Variants in PRKAR1A observed in about 807,000 individuals in gnomAD.
PRKAR1A encodes protein kinase cAMP-dependent type I regulatory subunit alpha, also known as cAMP-dependent protein kinase type I-alpha regulatory subunit.
A neutral mutation model predicts 52.0 loss-of-function variants in PRKAR1A; 3 were observed. The ratio of observed to expected loss-of-function variants is 0.06; its 90% CI spans 0.03 to 0.15. The LOEUF (loss-of-function observed/expected upper bound fraction) is 0.15, where lower values mean the gene tolerates loss of function less well. Ranked by LOEUF, PRKAR1A falls within the 10% of genes least tolerant of loss-of-function variation. PRKAR1A has a pLI of 1.00. For synonymous variants in PRKAR1A, 188 were observed against 168.4 expected (o/e 1.12, Z -0.90); for missense variants, 240 against 477.4 (o/e 0.50, Z 4.63).
At chr17:68,472,736 A>G in the PRKAR1A span, among the ~76,000 whole-genome samples, 2 of 151,934 alleles carry the variant, frequency 1.3e-5, no homozygotes, top group African/African-American at 4.8e-5. Context: ...CCTTGAGGCC[A>G]GGAGTTTGAG....
the PRKAR1A span, among the ~76,000 whole-genome samples, chr17:68,474,666 C>T: frequency 1.3e-5 from 2 of 152,078 alleles, no homozygotes; most frequent in Non-Finnish European, 2.9e-5. Context: ...GAGGCCGAGG[C>T]GGGCGGATAA....
chr17:68,498,407 A>G, the PRKAR1A span, among the ~76,000 whole-genome samples: 1 of 152,122 alleles, frequency 6.6e-6, no homozygotes. Context: ...TTCATTACGT[A>G]TTTATTTCTT....
the PRKAR1A span, among the ~76,000 whole-genome samples, chr17:68,496,555 T>C: frequency 6.6e-6 from 1 of 152,216 alleles, no homozygotes; most frequent in Non-Finnish European, 1.5e-5. Context: ...TGCCATGTAC[T>C]GTAACACTTC....
intron 9 of PRKAR1A, 137 bp from the exon 10 acceptor site, chr17:68,529,781 CAT>C: frequency 1.2e-6 from 1 of 827,974 alleles, no homozygotes; most frequent in Non-Finnish European, 2.1e-6. Flanking sequence ...AATTGAAGCT[CAT>C]GTGGTGACTA....
chr17:68,426,254 G>GGGGGGGGGGA, the PRKAR1A span: 1 of 816,924 alleles, frequency 1.2e-6, no homozygotes, highest in South Asian at 1.3e-5. Context: ...GGGAGCGGGG[G>GGGGGGGGGGA]CTCAAATAAA....
At chr17:68,447,034 A>G in the PRKAR1A span, among the ~76,000 whole-genome samples, 1 of 152,200 alleles carries the variant, frequency 6.6e-6, no homozygotes, top group Non-Finnish European at 1.5e-5. Flanking sequence ...CCGCAGAACC[A>G]TGGTCTTGCC....
chr17:68,496,901 C>T, the PRKAR1A span, among the ~76,000 whole-genome samples: 7 of 129,314 alleles, frequency 5.4e-5, no homozygotes, highest in East Asian at 1.6e-3. Context: ...ACACAGCTTA[C>T]TGCACTTGAC....
chr17:68,531,004 C>G lies in PRKAR1A; in HGVS notation c.*555C>G, dbSNP rs1449376169. ...AAAAATGCCCATTTTTGCTAATTAT[C>G]AATGGGATATGATTGGTTCAGTTTT... On this transcript the variant is annotated 3_prime_UTR_variant, in exon 11 of 11. Coordinates refer to ENST00000589228, the MANE Select transcript of PRKAR1A (RefSeq NM_002734.5). 9.3e-7 allele frequency: 1 copy of G among 1,076,338 alleles called. No individual in the cohort carries two copies. The highest frequency in any genetic ancestry group is 1.1e-6 in the Non-Finnish European group (1 of 885,410). 66.7% of individuals were successfully genotyped at this position (1,076,338 alleles called of 1,614,324 possible).
intron 11 of PRKAR1A, chr17:68,539,300 G>T (rs770683832): frequency 6.2e-7 from 1 of 1,610,332 alleles, no homozygotes; most frequent in Non-Finnish European, 8.5e-7. Flanking sequence ...GGTCACAACT[G>T]TTACTTGCCC....
the PRKAR1A span, chr17:68,427,652 C>A: frequency 5.9e-6 from 1 of 168,080 alleles, no homozygotes; most frequent in South Asian, 1.4e-4. Flanking sequence ...GCTGCTGGGC[C>A]AGGATGAGCT....
At chr17:68,510,238 G>A (rs2085247338), upstream of PRKAR1A, among the ~76,000 whole-genome samples, 1 of 148,030 alleles carries the variant, frequency 6.8e-6, no homozygotes, top group Non-Finnish European at 1.5e-5. Flanking sequence ...ATCACTGCCT[G>A]GGTTTAAGCC....
rs1373443555 is a variant in PRKAR1A at position 68,525,846 on chromosome 17, T to A, written c.642T>A (p.Thr214=). The A allele has an allele frequency of 6.2e-7, 1 of 1,613,852 alleles. No individual in the cohort carries two copies. Among genetic ancestry groups the A allele is most frequent in the Non-Finnish European group, 8.5e-7 (1 of 1,179,896 alleles). The part of the protein sequence containing the change: ...ALIYGTPRAA[T]VKAKTNVKLW... ...TTTATGGAACACCGAGAGCAGCCACTGTCAAAGCAAAGACAAATGTGAAAT... is the reference window on the plus strand; with the variant it reads ...TTTATGGAACACCGAGAGCAGCCACAGTCAAAGCAAAGACAAATGTGAAAT... Residue 214 remains threonine (T), a synonymous_variant, in exon 7 of 11, where the codon ACT becomes ACA. Coordinates refer to ENST00000589228, the MANE Select transcript of PRKAR1A (RefSeq NM_002734.5).
chr17:68,491,788 C>CA, the PRKAR1A span, among the ~76,000 whole-genome samples: 1,250 of 136,368 alleles, frequency 9.2e-3, 8 homozygotes, highest in Admixed American at 0.011. Context: ...TGCTAACGCA[C>CA]AAAAAAAAAA....
intron 2 of PRKAR1A, among the ~76,000 whole-genome samples, chr17:68,517,956 G>C (rs960504619): frequency 6.6e-6 from 1 of 152,220 alleles, no homozygotes. Context: ...AAAACAAGGG[G>C]AGTATAGACC....
At chr17:68,494,116 A>G in the PRKAR1A span, among the ~76,000 whole-genome samples, 1 of 152,208 alleles carries the variant, frequency 6.6e-6, no homozygotes, top group Non-Finnish European at 1.5e-5. Flanking sequence ...CAAAAATGCC[A>G]TTTACTGGCT....
chr17:68,529,286 T>G (rs2143372950), intron 9 of PRKAR1A, among the ~76,000 whole-genome samples: 1 of 152,366 alleles, frequency 6.6e-6, no homozygotes, highest in South Asian at 2.1e-4. Context: ...ACTGTGATGA[T>G]TCTGCACTAT....
the PRKAR1A span, among the ~76,000 whole-genome samples, chr17:68,466,381 A>T: frequency 1.4e-5 from 2 of 138,482 alleles, no homozygotes; most frequent in African/African-American, 5.4e-5. Context: ...TTCTGCTTGT[A>T]TTGAAATGTT....
chr17:68,530,497 C>T lies in PRKAR1A; in HGVS notation c.*48C>T. ...TTTCTCCTCTCCCCAATCCATGCTT[C>T]ACTCATGCAAACTGCTTTATTTTCC... On this transcript the variant is annotated 3_prime_UTR_variant, in exon 11 of 11. Coordinates refer to ENST00000589228, the MANE Select transcript of PRKAR1A (RefSeq NM_002734.5). 6.2e-7 allele frequency: 1 copy of T among 1,613,808 alleles called. No homozygotes were observed. The highest frequency in any genetic ancestry group is 8.5e-7 in the Non-Finnish European group (1 of 1,179,870).
chr17:68,426,118 G>A, the PRKAR1A span: 8 of 1,612,380 alleles, frequency 5.0e-6, no homozygotes, highest in East Asian at 2.2e-5. Context: ...TGGTCCCGTC[G>A]CAAACTCATG....
Sources: gnomAD v4.1 joint callset for allele counts (sites outside exome capture counted in the v4.1 genomes callset) on GRCh38, gnomAD v4.1.1 for gene constraint, MANE v1.5 for transcripts, NCBI Gene and HGNC (gene_info 2026-07-23, HGNC 2026-07-21) for gene names.